FTO: variants seen among roughly 807,000 people sequenced by gnomAD.
FTO encodes the protein FTO alpha-ketoglutarate dependent dioxygenase.
FTO carries 47 observed loss-of-function variants against 63.9 expected under a neutral mutation model. The ratio of observed to expected loss-of-function variants is 0.74; its 90% confidence interval spans 0.58 to 0.94. FTO has a LOEUF of 0.94. Ranked by LOEUF, FTO falls within the 40% of genes least tolerant of loss-of-function variation. The pLI, the probability that FTO is intolerant of heterozygous loss-of-function variation, is 0.00. For synonymous variants in FTO, 207 were observed against 224.4 expected (o/e 0.92, Z 0.69); for missense variants, 562 against 618.1 (o/e 0.91, Z 0.96).
chr16:53,883,636 C>A (rs11076005), intron 6 of FTO, among the ~76,000 whole-genome samples: 76,145 of 119,762 alleles, frequency 0.64, 24,124 homozygotes, highest in East Asian at 0.89. Context: ...AAAAAAAAAA[C>A]AAAAAAAAAA....
intron 8 of FTO, among the ~76,000 whole-genome samples, chr16:54,065,703 C>T (rs915561317): frequency 3.9e-5 from 6 of 152,284 alleles, no homozygotes; most frequent in Non-Finnish European, 7.4e-5. Flanking sequence ...TCAAACTATT[C>T]GCAGAGAAAA....
intron 1 of FTO, among the ~76,000 whole-genome samples, chr16:53,743,271 A>AG (rs971683571): frequency 6.6e-6 from 1 of 152,158 alleles, no homozygotes; most frequent in African/African-American, 2.4e-5. Context: ...CTTGGCCACT[A>AG]GGTGGCTCCT....
rs533344798 is a variant in FTO at position 53,865,014 on chromosome 16, A to G, written c.896-8772A>G. On this transcript the variant is annotated intron_variant, in intron 4 of 8. Coordinates refer to ENST00000471389, the MANE Select transcript of FTO (RefSeq NM_001080432.3). ...TGTTTGCCATTTGGCCTGAGTCACTAGGTGACTCAGTGTTCCCCTCAGTGG... is the reference window on the plus strand; with the variant it reads ...TGTTTGCCATTTGGCCTGAGTCACTGGGTGACTCAGTGTTCCCCTCAGTGG... Among the ~76,000 whole-genome samples, 40 of 152,300 alleles carry G rather than the reference A, an allele frequency of 2.6e-4. No homozygotes were observed. The South Asian group carries it at 2.9e-3, about 11-fold the overall frequency.
rs192650228 is a variant in FTO, at chr16:53,758,017, C to T, written c.46-52123C>T. ...TAGGATAACAAAAAATAAAATTAAT[C>T]AAAGGCATAATCAAGGACGTTTTCC... On this transcript the variant is annotated intron_variant, in intron 1 of 8. Coordinates refer to ENST00000471389, the MANE Select transcript of FTO (RefSeq NM_001080432.3). Among the ~76,000 whole-genome samples the T allele has an allele frequency of 2.6e-4, 40 of 152,294 alleles. No homozygotes were observed. In the East Asian group the frequency reaches 7.1e-3, roughly 27 times the overall value.
At chr16:54,049,085 A>T (rs2085254624) in intron 8 of FTO, among the ~76,000 whole-genome samples, 1 of 152,136 alleles carries the variant, frequency 6.6e-6, no homozygotes, top group Non-Finnish European at 1.5e-5. Context: ...GTCAACTGTA[A>T]AAAATTAAGA....
chr16:54,071,434 T>C (rs1361453306), intron 8 of FTO: 2 of 152,284 alleles, frequency 1.3e-5, no homozygotes, highest in African/African-American at 4.8e-5. Flanking sequence ...TAGACTGTTT[T>C]AGGGCATGCA....
At chr16:54,020,984 A>C (rs1030558559) in intron 8 of FTO, among the ~76,000 whole-genome samples, 1 of 152,140 alleles carries the variant, frequency 6.6e-6, no homozygotes, top group Non-Finnish European at 1.5e-5. Flanking sequence ...AAAAGAAAAA[A>C]AAAGAATTTT....
At chr16:53,894,517 A>T (rs1408284433) in intron 7 of FTO, among the ~76,000 whole-genome samples, 6 of 152,216 alleles carry the variant, frequency 3.9e-5, no homozygotes, top group African/African-American at 1.4e-4. Flanking sequence ...CAATTAGCTA[A>T]GTTTATTTTA....
At chr16:53,781,215 G>A (rs2077579884) in intron 1 of FTO, among the ~76,000 whole-genome samples, 1 of 152,186 alleles carries the variant, frequency 6.6e-6, no homozygotes, top group Non-Finnish European at 1.5e-5. Flanking sequence ...CCAAGGCTAC[G>A]CAGCTACTAA....
At chr16:53,807,129 A>G (rs910622180) in intron 1 of FTO, among the ~76,000 whole-genome samples, 7 of 152,226 alleles carry the variant, frequency 4.6e-5, no homozygotes, top group African/African-American at 1.7e-4. Context: ...ATTGTTATTT[A>G]ATACTTGATC....
rs2081353773 is a variant in FTO, at chr16:53,899,616, G to C, written c.1239+10665G>C. Among the ~76,000 whole-genome samples, 3 of 152,140 alleles carry C rather than the reference G, an allele frequency of 2.0e-5. No individual in the cohort carries two copies. In the South Asian group the frequency reaches 6.2e-4, roughly 32 times the overall value. On this transcript the variant is annotated intron_variant, in intron 7 of 8. Transcript: ENST00000471389. ...ATATTAATATTCATCTTTGCTGCTTGTCTACACTTCAGACAGATCCCAGGA... is the reference window on the plus strand; with the variant it reads ...ATATTAATATTCATCTTTGCTGCTTCTCTACACTTCAGACAGATCCCAGGA...
intron 8 of FTO, among the ~76,000 whole-genome samples, chr16:54,033,319 G>C (rs1387386527): frequency 6.6e-6 from 1 of 152,090 alleles, no homozygotes; most frequent in Non-Finnish European, 1.5e-5. Context: ...GCCACTTAGT[G>C]TCCAACAGAG....
intron 8 of FTO, among the ~76,000 whole-genome samples, chr16:54,027,568 A>T (rs1240044378): frequency 1.9e-5 from 2 of 106,226 alleles, no homozygotes; most frequent in East Asian, 2.8e-4. Context: ...CTAAAGATTT[A>T]AAAAAAAAAA....
At chr16:54,016,292 G>GAAA (rs35786461) in intron 8 of FTO, among the ~76,000 whole-genome samples, 4 of 63,218 alleles carry the variant, frequency 6.3e-5, no homozygotes, top group Non-Finnish European at 7.9e-5. Context: ...GACTTGTCAT[G>GAAA]AAAAAAAAAA....
chr16:54,023,101 G>T (rs951249966), intron 8 of FTO, among the ~76,000 whole-genome samples: 15 of 152,218 alleles, frequency 9.9e-5, no homozygotes, highest in African/African-American at 3.4e-4. Flanking sequence ...GGTGAATTCA[G>T]TGTTTCTGAA....
chr16:54,105,227 A>C (rs1033611510), intron 8 of FTO, among the ~76,000 whole-genome samples: 1 of 152,246 alleles, frequency 6.6e-6, no homozygotes, highest in Non-Finnish European at 1.5e-5. Flanking sequence ...AGGGCCTCAC[A>C]GTCAAAAGAA....
At chr16:53,782,175 GC>G (rs982094856) in intron 1 of FTO, among the ~76,000 whole-genome samples, 6 of 152,198 alleles carry the variant, frequency 3.9e-5, no homozygotes, top group African/African-American at 1.4e-4. Flanking sequence ...TATAGGAAGA[GC>G]TTGTGTTTTT....
At chr16:53,760,918 C>T (rs8056666) in intron 1 of FTO, among the ~76,000 whole-genome samples, 10 of 151,610 alleles carry the variant, frequency 6.6e-5, no homozygotes, top group African/African-American at 7.3e-5. Flanking sequence ...TGAGCCACTG[C>T]GCCTCATCTG....
intron 8 of FTO, among the ~76,000 whole-genome samples, chr16:54,037,080 T>C (rs1215221718): frequency 6.6e-6 from 1 of 152,208 alleles, no homozygotes; most frequent in African/African-American, 2.4e-5. Context: ...TGAGTTTTCA[T>C]GTCTCAGGTC....
Sources: gnomAD v4.1 joint callset for allele counts (sites outside exome capture counted in the v4.1 genomes callset) on GRCh38, gnomAD v4.1.1 for gene constraint, MANE v1.5 for transcripts, NCBI Gene and HGNC (gene_info 2026-07-23, HGNC 2026-07-21) for gene names.